Variants in MICAL2 observed in about 807,000 individuals in gnomAD.
MICAL2 encodes the protein [F-actin]-monooxygenase MICAL2.
In MICAL2, 77 loss-of-function variants were observed where a neutral mutation model predicts 127.3. That is an observed-to-expected ratio of 0.60 (90% CI 0.50 to 0.73). The LOEUF (loss-of-function observed/expected upper bound fraction) is 0.73. MICAL2 is among the 30% of genes least tolerant of loss of function. The pLI is 0.00. For missense variants in MICAL2, 1,351 were observed against 1,434.4 expected, an observed-to-expected ratio of 0.94 and a Z score of 0.94; for synonymous variants, 570 against 551.1, an observed-to-expected ratio of 1.03 and a Z score of -0.48.
chr11:12,347,083 A>G (rs548673557), intron 32 of MICAL2, among the ~76,000 whole-genome samples: 1 of 151,470 alleles, frequency 6.6e-6, no homozygotes, highest in African/African-American at 2.4e-5. Flanking sequence ...GCCCCTCCCA[A>G]TCTCTGTCTC....
chr11:12,214,823 TCACA>T (rs72173748), intron 7 of MICAL2, among the ~76,000 whole-genome samples: 2 of 149,392 alleles, frequency 1.3e-5, no homozygotes, highest in Non-Finnish European at 3.0e-5. Context: ...AGCTGGTCCA[TCACA>T]CACACACACA....
chr11:12,140,289 A>G (rs933417066), intron 2 of MICAL2, among the ~76,000 whole-genome samples: 8 of 152,214 alleles, frequency 5.3e-5, no homozygotes, highest in African/African-American at 1.9e-4. Context: ...GACTTCTCCC[A>G]TTTTACAGAT....
chr11:12,130,480 G>A (rs1851323625), intron 1 of MICAL2, among the ~76,000 whole-genome samples: 1 of 152,222 alleles, frequency 6.6e-6, no homozygotes, highest in South Asian at 2.1e-4. Context: ...ACTAAACCCA[G>A]GGCTCAAAGT....
chr11:12,270,281 C>T (rs1489688783), intron 24 of MICAL2, among the ~76,000 whole-genome samples: 1 of 152,254 alleles, frequency 6.6e-6, no homozygotes, highest in Non-Finnish European at 1.5e-5. Flanking sequence ...CAGATGCCTT[C>T]CCCGCCCTTC....
rs1053731756 is a variant in MICAL2, at chr11:12,330,105, G to A, written c.5515+2839G>A. On this transcript the variant is annotated intron_variant, in intron 32 of 34. Transcript: ENST00000646065. ...GGCTGGAGACTAAAAGAGTCAAGAC[G>A]GGAGAGTGGCCTCAAAAGCAACCAA... Among the ~76,000 whole-genome samples, 8 of 152,256 alleles carry A rather than the reference G, an allele frequency of 5.3e-5. No homozygotes were observed. The East Asian group carries it at 1.4e-3, about 26-fold the overall frequency.
intron 32 of MICAL2, among the ~76,000 whole-genome samples, chr11:12,336,041 G>A (rs1215724053): frequency 6.6e-6 from 1 of 152,190 alleles, no homozygotes; most frequent in Admixed American, 6.5e-5. Context: ...AATTACCTTA[G>A]GCAGTATGGC....
chr11:12,211,443 A>G (rs530047705), intron 6 of MICAL2, among the ~76,000 whole-genome samples: 38 of 152,320 alleles, frequency 2.5e-4, no homozygotes, highest in African/African-American at 8.2e-4. Flanking sequence ...TTTTTGACAG[A>G]TGAGTGAGAA....
downstream of MICAL2, among the ~76,000 whole-genome samples, chr11:12,290,856 T>C (rs1442347109): frequency 6.6e-6 from 1 of 152,126 alleles, no homozygotes. Context: ...GAGAACGGTG[T>C]GGCCTCCTGG....
chr11:12,225,794 A>G (rs1307344527), intron 13 of MICAL2: 6 of 238,024 alleles, frequency 2.5e-5, no homozygotes, highest in Admixed American at 5.2e-5. Context: ...CTCCCTTTTT[A>G]CTTTATATGC....
At chr11:12,169,529 G>A (rs1046234683) in intron 3 of MICAL2, among the ~76,000 whole-genome samples, 1 of 152,178 alleles carries the variant, frequency 6.6e-6, no homozygotes, top group African/African-American at 2.4e-5. Context: ...GGGACTACAG[G>A]CGTGAGCAAC....
intron 3 of MICAL2, among the ~76,000 whole-genome samples, chr11:12,200,775 C>T (rs1268460323): frequency 6.6e-6 from 1 of 152,142 alleles, no homozygotes; most frequent in African/African-American, 2.4e-5. Flanking sequence ...AACTGTACAC[C>T]AGCTACTGTT....
intron 29 of MICAL2, among the ~76,000 whole-genome samples, chr11:12,317,635 T>C (rs1864245743): frequency 6.6e-6 from 1 of 151,908 alleles, no homozygotes; most frequent in Non-Finnish European, 1.5e-5. Flanking sequence ...CTGTTAAAAA[T>C]ACAAAAATTA....
At chr11:12,165,154 AAG>A (rs1491075367) in intron 3 of MICAL2, among the ~76,000 whole-genome samples, 1 of 104,836 alleles carries the variant, frequency 9.5e-6, no homozygotes, top group Non-Finnish European at 1.8e-5. Flanking sequence ...AAAAAAAAAA[AAG>A]AAAAGAAAGA....
chr11:12,195,705 C>T (rs946233893), intron 3 of MICAL2, among the ~76,000 whole-genome samples: 19 of 144,602 alleles, frequency 1.3e-4, no homozygotes, highest in South Asian at 4.4e-4. Flanking sequence ...CAATAGATTT[C>T]TTTTTTTTTT....
At chr11:12,151,352 T>C (rs1474329465) in intron 2 of MICAL2, among the ~76,000 whole-genome samples, 1 of 152,094 alleles carries the variant, frequency 6.6e-6, no homozygotes, top group Non-Finnish European at 1.5e-5. Context: ...TATTGGAAGT[T>C]GGCCTGCAAC....
chr11:12,235,640 T>C (rs1349589816), intron 15 of MICAL2, among the ~76,000 whole-genome samples: 1 of 152,218 alleles, frequency 6.6e-6, no homozygotes, highest in African/African-American at 2.4e-5. Context: ...TGATTTGCCA[T>C]CAAATCCCTA....
chr11:12,307,036 A>T (rs1396326985), intron 29 of MICAL2, among the ~76,000 whole-genome samples: 1 of 152,128 alleles, frequency 6.6e-6, no homozygotes, highest in Non-Finnish European at 1.5e-5. Context: ...AAACTTGTCA[A>T]ATTATTTTCC....
downstream of MICAL2, among the ~76,000 whole-genome samples, chr11:12,361,700 A>G (rs1481505294): frequency 3.9e-5 from 6 of 152,222 alleles, no homozygotes; most frequent in African/African-American, 1.4e-4. Flanking sequence ...ATGAGCTGCA[A>G]TGAAATTGAT....
chr11:12,258,557 G>C lies in MICAL2; in HGVS notation c.3231+1G>C. The C allele has an allele frequency of 6.2e-7, 1 of 1,612,720 alleles. No individual in the cohort carries two copies. The highest frequency in any genetic ancestry group is 8.5e-7 in the Non-Finnish European group (1 of 1,179,174). ...GGCAGAGTTGAAGCAACAAAGAGAG[G>C]TATGTTTGTCTCAAACATGCTGGTG... is the stretch of plus-strand genomic sequence containing the variant. On this transcript the variant is annotated splice_donor_variant, in intron 25 of 27. Coordinates refer to ENST00000683283, the MANE Select transcript of MICAL2 (RefSeq NM_001282663.2). LOFTEE classifies it high-confidence loss of function.
Sources: allele counts gnomAD v4.1 joint callset (sites outside exome capture counted in the v4.1 genomes callset), GRCh38; gene constraint gnomAD v4.1.1; transcripts MANE v1.5; gene names NCBI Gene and HGNC (gene_info 2026-07-23, HGNC 2026-07-21).